Variants in SLC25A21 observed in about 807,000 individuals in gnomAD.
The protein encoded by SLC25A21 is solute carrier family 25 member 21.
A neutral mutation model predicts 43.8 loss-of-function variants in SLC25A21; 47 were observed. The ratio of observed to expected loss-of-function variants is 1.07; its 90% CI spans 0.85 to 1.37. The LOEUF (loss-of-function observed/expected upper bound fraction) is 1.37, where lower values mean the gene tolerates loss of function less well. Ranked by LOEUF, SLC25A21 falls within the 40% of genes most tolerant of loss-of-function variation. The pLI is 0.00. For synonymous variants in SLC25A21, 131 were observed against 121.3 expected, an observed-to-expected ratio of 1.08 and a Z score of -0.52; for missense variants, 352 against 350.2, an observed-to-expected ratio of 1.00 and a Z score of -0.04.
At chr14:36,718,951 GAA>G (rs1447753734) in intron 6 of SLC25A21, among the ~76,000 whole-genome samples, 2 of 152,134 alleles carry the variant, frequency 1.3e-5, no homozygotes, top group African/African-American at 4.8e-5. Context: ...TTTGGGGTGA[GAA>G]TGATTATGTT....
chr14:36,733,528 A>G (rs1884914125), intron 4 of SLC25A21, among the ~76,000 whole-genome samples: 1 of 152,216 alleles, frequency 6.6e-6, no homozygotes, highest in East Asian at 1.9e-4. Context: ...TTGGATGTTC[A>G]TGTATATATG....
chr14:36,892,715 C>T (rs1345683380), intron 1 of SLC25A21, among the ~76,000 whole-genome samples: 1 of 151,736 alleles, frequency 6.6e-6, no homozygotes, highest in Admixed American at 6.6e-5. Context: ...AACCCCACAA[C>T]TGGCCCCGGT....
intron 3 of SLC25A21, among the ~76,000 whole-genome samples, chr14:36,783,910 C>A (rs183032845): frequency 6.6e-6 from 1 of 152,182 alleles, no homozygotes; most frequent in Non-Finnish European, 1.5e-5. Context: ...CTGTACCCGA[C>A]TTCCCACCCC....
chr14:36,706,098 A>G (rs1883549276), intron 7 of SLC25A21, among the ~76,000 whole-genome samples: 1 of 152,176 alleles, frequency 6.6e-6, no homozygotes, highest in Admixed American at 6.5e-5. Context: ...ACTTTGTTCT[A>G]GGCCAAGAAA....
intron 3 of SLC25A21, among the ~76,000 whole-genome samples, chr14:36,737,702 G>A (rs1303400077): frequency 7.2e-5 from 11 of 152,152 alleles, no homozygotes; most frequent in Admixed American, 3.3e-4. Context: ...ATGATACAGG[G>A]TCAGTCTTGC....
At chr14:37,124,454 C>A (rs962479241) in intron 1 of SLC25A21, among the ~76,000 whole-genome samples, 7 of 152,054 alleles carry the variant, frequency 4.6e-5, no homozygotes, top group African/African-American at 1.7e-4. Flanking sequence ...CTTAGGGTTA[C>A]ATCACAGCAT....
At chr14:36,966,122 T>C (rs866146500) in intron 1 of SLC25A21, among the ~76,000 whole-genome samples, 4 of 152,230 alleles carry the variant, frequency 2.6e-5, no homozygotes, top group Non-Finnish European at 2.9e-5. Flanking sequence ...TCGCTAGCAC[T>C]GTCCACCTGA....
intron 3 of SLC25A21, among the ~76,000 whole-genome samples, chr14:36,743,628 A>T (rs1017050642): frequency 6.6e-6 from 1 of 152,100 alleles, no homozygotes. Context: ...AAGACAAGGA[A>T]CAAGACAAGG....
intron 1 of SLC25A21, among the ~76,000 whole-genome samples, chr14:36,974,998 C>T (rs1297144345): frequency 6.6e-6 from 1 of 152,112 alleles, no homozygotes; most frequent in Non-Finnish European, 1.5e-5. Flanking sequence ...AGGATGATGA[C>T]TTCCATTTTT....
chr14:36,762,007 A>G (rs752999528), intron 3 of SLC25A21, among the ~76,000 whole-genome samples: 13 of 152,222 alleles, frequency 8.5e-5, no homozygotes, highest in Non-Finnish European at 1.3e-4. Flanking sequence ...TATCTTGTCA[A>G]AATCTTTCAA....
chr14:36,906,002 G>A (rs712388), intron 1 of SLC25A21, among the ~76,000 whole-genome samples: 37,264 of 152,100 alleles, frequency 0.24, 5,552 homozygotes, highest in East Asian at 0.61. Flanking sequence ...CAGGGTTTCC[G>A]TTATAAAGCA....
chr14:36,737,429 C>T (rs1016226402), intron 3 of SLC25A21, among the ~76,000 whole-genome samples: 1 of 152,180 alleles, frequency 6.6e-6, no homozygotes, highest in Non-Finnish European at 1.5e-5. Context: ...CTCTGCTCAG[C>T]TACTTTCATG....
intron 3 of SLC25A21, among the ~76,000 whole-genome samples, chr14:36,756,318 C>T (rs1885926131): frequency 6.6e-6 from 1 of 152,202 alleles, no homozygotes; most frequent in South Asian, 2.1e-4. Flanking sequence ...ACATGTGTGG[C>T]CACCAGGGGA....
intron 1 of SLC25A21, among the ~76,000 whole-genome samples, chr14:37,045,609 C>T (rs1408981745): frequency 6.6e-6 from 1 of 152,180 alleles, no homozygotes; most frequent in Admixed American, 6.5e-5. Flanking sequence ...CCCAGGGTAA[C>T]AAAAACAAGA....
At chr14:37,169,428 C>T (rs544037300) in intron 1 of SLC25A21, among the ~76,000 whole-genome samples, 1 of 152,120 alleles carries the variant, frequency 6.6e-6, no homozygotes, top group South Asian at 2.1e-4. Flanking sequence ...CTCAGCACTC[C>T]AGCCCCTTAT....
At chr14:36,843,300 G>C (rs1889442510) in intron 2 of SLC25A21, among the ~76,000 whole-genome samples, 1 of 152,146 alleles carries the variant, frequency 6.6e-6, no homozygotes, top group Non-Finnish European at 1.5e-5. Context: ...GTTGGAGCCT[G>C]GCTAATATAA....
chr14:37,059,461 C>A (rs1053347416), intron 1 of SLC25A21, among the ~76,000 whole-genome samples: 1 of 152,192 alleles, frequency 6.6e-6, no homozygotes. Flanking sequence ...TACTGTCACA[C>A]AAATTATTCT....
At chr14:36,944,656 C>T (rs1246202761) in intron 1 of SLC25A21, among the ~76,000 whole-genome samples, 1 of 152,182 alleles carries the variant, frequency 6.6e-6, no homozygotes, top group African/African-American at 2.4e-5. Context: ...AACTCATGAA[C>T]ATTTGTAAAG....
chr14:36,703,661 G>A (rs962382681), intron 7 of SLC25A21, among the ~76,000 whole-genome samples: 1 of 152,184 alleles, frequency 6.6e-6, no homozygotes, highest in Non-Finnish European at 1.5e-5. Flanking sequence ...ATTAGCTTTA[G>A]ACAGCTGTTT....
Sources: allele counts gnomAD v4.1 joint callset (sites outside exome capture counted in the v4.1 genomes callset), GRCh38; gene constraint gnomAD v4.1.1; transcripts MANE v1.5; gene names NCBI Gene and HGNC (gene_info 2026-07-23, HGNC 2026-07-21).